Variants in METTL15 observed in about 807,000 individuals in gnomAD.
METTL15 encodes the protein 12S rRNA N(4)-cytidine methyltransferase METTL15.
A neutral mutation model predicts 38.3 loss-of-function variants in METTL15; 34 were observed. That is an observed-to-expected ratio of 0.89 (90% CI 0.68 to 1.18). The LOEUF is 1.18. METTL15 is among the 50% of genes most tolerant of loss of function. The pLI, the probability that METTL15 is intolerant of heterozygous loss-of-function variation, is 0.00. For synonymous variants in METTL15, 162 were observed against 170.9 expected, an observed-to-expected ratio of 0.95 and a Z score of 0.41; for missense variants, 438 against 498.4, an observed-to-expected ratio of 0.88 and a Z score of 1.15.
intron 5 of METTL15, among the ~76,000 whole-genome samples, chr11:28,371,459 A>T (rs916201407): frequency 5.9e-5 from 9 of 152,002 alleles, no homozygotes; most frequent in Admixed American, 3.9e-4. Context: ...GTAAAGTAAC[A>T]TGATGGCTCC....
intron 4 of METTL15, among the ~76,000 whole-genome samples, chr11:28,221,195 C>T (rs2133863663): frequency 6.6e-6 from 1 of 152,304 alleles, no homozygotes; most frequent in African/African-American, 2.4e-5. Context: ...CTTTCAGGTA[C>T]ACCAATCAGA....
intron 4 of METTL15, among the ~76,000 whole-genome samples, chr11:28,229,036 A>T (rs1467651788): frequency 2.0e-5 from 3 of 151,832 alleles, no homozygotes; most frequent in Non-Finnish European, 4.4e-5. Context: ...TAATCTTTCT[A>T]TGTCTGTATT....
At position 28,387,772 on chromosome 11, in the gene METTL15, G is replaced by A. The variant is rs575179294; in HGVS notation, c.*358+25736G>A. 1.2e-4 allele frequency among the ~76,000 whole-genome samples: 18 copies of A among 152,052 alleles called. No homozygotes were observed. In the South Asian group the frequency reaches 3.5e-3, roughly 30 times the overall value. On this transcript the variant is annotated intron_variant and NMD_transcript_variant, in intron 5 of 7. Coordinates refer to the METTL15 transcript ENST00000532947. ...GAAAACTACATACCAATAACCATGA[G>A]GAATATTGGGACAAATTTCCTTAAC... is the stretch of plus-strand genomic sequence containing the variant.
At chr11:28,253,291 A>G (rs1305663758) in intron 4 of METTL15, among the ~76,000 whole-genome samples, 1 of 152,194 alleles carries the variant, frequency 6.6e-6, no homozygotes, top group Non-Finnish European at 1.5e-5. Flanking sequence ...CAAGAAAGCA[A>G]CAAGTCATTC....
rs917337798 is a variant in METTL15 at position 28,194,999 on chromosome 11, A to T, written c.271-16063A>T. On this transcript the variant is annotated intron_variant, in intron 3 of 6. Transcript: ENST00000407364. Reference sequence around the variant, plus strand: ...ACTTTACTTAGAATAATGATCTCCAATTCCATCCAAGTTGCTGCAAAAGAC... The same window carrying T: ...ACTTTACTTAGAATAATGATCTCCATTTCCATCCAAGTTGCTGCAAAAGAC... Among the ~76,000 whole-genome samples the T allele has an allele frequency of 1.3e-5, 2 of 152,016 alleles. 1 individual carries two copies. Among genetic ancestry groups the T allele is most frequent in the African/African-American group, 4.8e-5 (2 of 41,382 alleles).
chr11:28,357,474 T>C (rs1297581698), intron 4 of METTL15, among the ~76,000 whole-genome samples: 2 of 152,214 alleles, frequency 1.3e-5, no homozygotes, highest in African/African-American at 4.8e-5. Flanking sequence ...TCAAGCCAAG[T>C]AGACTTTGGT....
chr11:28,520,594 T>C (rs1851757042), intron 6 of METTL15, among the ~76,000 whole-genome samples: 1 of 152,190 alleles, frequency 6.6e-6, no homozygotes, highest in African/African-American at 2.4e-5. Flanking sequence ...CTTTTATTCA[T>C]CTATAAATAT....
At chr11:28,498,145 T>G (rs761621739) in intron 6 of METTL15, among the ~76,000 whole-genome samples, 1 of 151,906 alleles carries the variant, frequency 6.6e-6, no homozygotes, top group African/African-American at 2.4e-5. Flanking sequence ...CATCTCTTAA[T>G]ACCACCACAT....
At chr11:28,203,112 T>C (rs1852176681) in intron 3 of METTL15, among the ~76,000 whole-genome samples, 1 of 152,076 alleles carries the variant, frequency 6.6e-6, no homozygotes, top group Admixed American at 6.6e-5. Context: ...AGTATAGAGC[T>C]ATGTATTCTT....
intron 6 of METTL15, among the ~76,000 whole-genome samples, chr11:28,495,331 T>G (rs1326900864): frequency 6.6e-6 from 1 of 152,068 alleles, no homozygotes; most frequent in Non-Finnish European, 1.5e-5. Context: ...CTTGGTAGTT[T>G]AGAAGGGCTG....
At chr11:28,182,597 T>G (rs1266405860) in intron 3 of METTL15, among the ~76,000 whole-genome samples, 6 of 152,094 alleles carry the variant, frequency 3.9e-5, no homozygotes, top group Non-Finnish European at 7.4e-5. Context: ...AGGGCTCTGT[T>G]CTGTTTCATT....
chr11:28,242,046 G>C (rs1014622821), intron 4 of METTL15, among the ~76,000 whole-genome samples: 9 of 152,198 alleles, frequency 5.9e-5, no homozygotes, highest in Admixed American at 5.9e-4. Context: ...TAGGGCAAAA[G>C]CAGGGAAGCT....
intron 6 of METTL15, among the ~76,000 whole-genome samples, chr11:28,481,184 T>G (rs1184405141): frequency 6.6e-6 from 1 of 152,188 alleles, no homozygotes; most frequent in Non-Finnish European, 1.5e-5. Flanking sequence ...CCTCCCACTC[T>G]GAACTTCAGA....
chr11:28,497,349 T>C (rs574869060), intron 6 of METTL15, among the ~76,000 whole-genome samples: 43 of 152,324 alleles, frequency 2.8e-4, no homozygotes, highest in African/African-American at 9.9e-4. Context: ...TACAAGCTTA[T>C]GTGTTGAGGC....
At chr11:28,150,885 A>T (rs542335231) in intron 3 of METTL15, among the ~76,000 whole-genome samples, 2 of 151,590 alleles carry the variant, frequency 1.3e-5, no homozygotes, top group East Asian at 3.9e-4. Context: ...CTCCCACACC[A>T]TGTTGTTGGA....
chr11:28,302,713 A>G (rs139308394), intron 6 of METTL15, among the ~76,000 whole-genome samples: 2 of 152,296 alleles, frequency 1.3e-5, no homozygotes, highest in Admixed American at 6.5e-5. Context: ...AAAATGACCA[A>G]TACGTCCCCC....
intron 3 of METTL15, among the ~76,000 whole-genome samples, chr11:28,121,739 A>T (rs1852244690): frequency 6.6e-6 from 1 of 151,932 alleles, no homozygotes; most frequent in African/African-American, 2.4e-5. Context: ...TATATTGAAG[A>T]TTTTTTCTAT....
At chr11:28,392,752 T>G (rs906772932) in intron 5 of METTL15, among the ~76,000 whole-genome samples, 10 of 152,040 alleles carry the variant, frequency 6.6e-5, no homozygotes, top group African/African-American at 2.2e-4. Context: ...CAAACCACAT[T>G]GTTTGAAAAG....
At chr11:28,377,938 G>A (rs1009919744) in intron 5 of METTL15, among the ~76,000 whole-genome samples, 3 of 152,142 alleles carry the variant, frequency 2.0e-5, no homozygotes, top group Admixed American at 6.5e-5. Flanking sequence ...GTGTGTCCCT[G>A]CTGGAGGGTG....
Sources: allele counts gnomAD v4.1 joint callset (sites outside exome capture counted in the v4.1 genomes callset), GRCh38; gene constraint gnomAD v4.1.1; transcripts MANE v1.5; gene names NCBI Gene and HGNC (gene_info 2026-07-23, HGNC 2026-07-21).